The following CNTN3 variants were observed in gnomAD, a reference collection of about 807,000 sequenced individuals.
CNTN3 encodes contactin 3, also known as contactin-3.
Under a neutral mutation model 119.1 loss-of-function variants are expected in CNTN3, and 60 were observed. The ratio of observed to expected loss-of-function variants is 0.50; its 90% CI spans 0.41 to 0.62. The LOEUF is 0.62. Among genes scored for constraint, CNTN3 ranks in the 20% least tolerant of loss-of-function variants. The pLI is 0.00. For missense variants in CNTN3, 1,101 were observed against 1,242.4 expected (o/e 0.89, Z 1.71); for synonymous variants, 450 against 438.7 (o/e 1.03, Z -0.32).
At chr3:74,461,033 T>C (rs2106973502) in intron 4 of CNTN3, among the ~76,000 whole-genome samples, 1 of 151,708 alleles carries the variant, frequency 6.6e-6, no homozygotes, top group South Asian at 2.1e-4. Flanking sequence ...TCCTCTGATT[T>C]CATGAGAAAT....
intron 4 of CNTN3, among the ~76,000 whole-genome samples, chr3:74,436,834 T>C (rs1181931138): frequency 6.6e-6 from 1 of 152,190 alleles, no homozygotes; most frequent in African/African-American, 2.4e-5. Context: ...ATAACTCAAT[T>C]GCAAAGTAAA....
chr3:74,573,069 C>T (rs1289356570), intron 1 of CNTN3, among the ~76,000 whole-genome samples: 4 of 152,190 alleles, frequency 2.6e-5, no homozygotes, highest in African/African-American at 4.8e-5. Flanking sequence ...CCACAAGGCA[C>T]GTGACTCCCT....
chr3:74,401,447 T>A (rs1254343117), intron 5 of CNTN3, among the ~76,000 whole-genome samples: 1 of 152,014 alleles, frequency 6.6e-6, no homozygotes, highest in Non-Finnish European at 1.5e-5. Flanking sequence ...CTAGTTGAAT[T>A]TACACATTCT....
chr3:74,370,738 G>GA (rs1704314458), intron 6 of CNTN3, among the ~76,000 whole-genome samples: 1 of 152,066 alleles, frequency 6.6e-6, no homozygotes, highest in Non-Finnish European at 1.5e-5. Flanking sequence ...AGCCATCAAG[G>GA]TGTTGATGAA....
chr3:74,444,915 TG>T (rs1182665764), intron 4 of CNTN3, among the ~76,000 whole-genome samples: 1 of 152,198 alleles, frequency 6.6e-6, no homozygotes, highest in Non-Finnish European at 1.5e-5. Flanking sequence ...AATATTTTTA[TG>T]TAGCACCAAA....
intron 2 of CNTN3, among the ~76,000 whole-genome samples, chr3:74,520,157 A>C (rs1221610172): frequency 1.3e-5 from 2 of 149,662 alleles, no homozygotes; most frequent in Non-Finnish European, 3.0e-5. Flanking sequence ...TGGTCTTCTA[A>C]GGAGATGAGT....
At chr3:74,336,719 A>G (rs1265969294) in intron 11 of CNTN3, 61 bp from the exon 12 acceptor site, 15 of 1,367,904 alleles carry the variant, frequency 1.1e-5, no homozygotes, top group Middle Eastern at 3.9e-4. Flanking sequence ...CCAAATGAAT[A>G]TACATATTTT....
In CNTN3 at chr3:74,382,590, A is replaced by T. The variant is rs569800543; in HGVS notation, c.455-11191T>A. The stretch of plus-strand genomic sequence containing the variant: ...GTTTCTAAAAGCTTGACTTTTCTAG[A>T]TGCCAAGTGTAAGTGAGGTCATGTG... On this transcript the variant is annotated intron_variant, in intron 5 of 22. Coordinates refer to ENST00000263665, the MANE Select transcript of CNTN3 (RefSeq NM_020872.3). Among the ~76,000 whole-genome samples the T allele has an allele frequency of 1.6e-4, 24 of 152,228 alleles. No homozygotes were observed. The South Asian group carries it at 4.8e-3, about 30-fold the overall frequency.
intron 4 of CNTN3, among the ~76,000 whole-genome samples, chr3:74,477,791 G>A (rs1379375710): frequency 6.6e-6 from 1 of 151,832 alleles, no homozygotes; most frequent in Non-Finnish European, 1.5e-5. Flanking sequence ...GTATCAAAAT[G>A]TCTCATATAC....
At chr3:74,318,574 C>G (rs977705469) in intron 13 of CNTN3, among the ~76,000 whole-genome samples, 12 of 152,138 alleles carry the variant, frequency 7.9e-5, no homozygotes, top group Admixed American at 1.3e-4. Context: ...AGCTGCAGGT[C>G]TGTTGGAGTT....
chr3:74,350,333 C>A (rs1346061241), intron 11 of CNTN3, among the ~76,000 whole-genome samples: 1 of 152,134 alleles, frequency 6.6e-6, no homozygotes, highest in African/African-American at 2.4e-5. Context: ...TGCTCAACAT[C>A]ACTAATTATC....
chr3:74,418,700 TTTTTA>T (rs1408845282), intron 5 of CNTN3, among the ~76,000 whole-genome samples: 1 of 152,106 alleles, frequency 6.6e-6, no homozygotes, highest in Non-Finnish European at 1.5e-5. Context: ...TCTCTATATT[TTTTTA>T]TTTTGACACT....
At chr3:74,515,637 G>A (rs1187338708) in intron 2 of CNTN3, among the ~76,000 whole-genome samples, 1 of 151,896 alleles carries the variant, frequency 6.6e-6, no homozygotes, top group Non-Finnish European at 1.5e-5. Flanking sequence ...CAACATAGCA[G>A]CCAGGGCTTG....
chr3:74,355,858 G>A (rs189574004), intron 11 of CNTN3, among the ~76,000 whole-genome samples: 3 of 151,830 alleles, frequency 2.0e-5, no homozygotes, highest in Admixed American at 6.6e-5. Flanking sequence ...TCCTTAATTC[G>A]GTATACACTG....
intron 4 of CNTN3, among the ~76,000 whole-genome samples, chr3:74,450,710 T>G (rs1482921617): frequency 7.4e-6 from 1 of 135,398 alleles, no homozygotes; most frequent in African/African-American, 2.8e-5. Flanking sequence ...CCCCTTCCTG[T>G]GTCCATGTGT....
At chr3:74,561,797 A>G (rs1188010247) in intron 1 of CNTN3, among the ~76,000 whole-genome samples, 6 of 152,190 alleles carry the variant, frequency 3.9e-5, no homozygotes. Flanking sequence ...ATGATACTTC[A>G]TGCATCATTA....
At chr3:74,312,906 T>C (rs1420748107) in intron 13 of CNTN3, among the ~76,000 whole-genome samples, 3 of 151,828 alleles carry the variant, frequency 2.0e-5, no homozygotes, top group Non-Finnish European at 4.4e-5. Context: ...CTATGATTAA[T>C]GTATTAAGGG....
At chr3:74,402,871 C>T (rs754078919) in intron 5 of CNTN3, among the ~76,000 whole-genome samples, 6 of 152,086 alleles carry the variant, frequency 3.9e-5, no homozygotes, top group Non-Finnish European at 7.4e-5. Context: ...TGCAAAGATT[C>T]GAGAGTGTAC....
At chr3:74,295,267 A>G (rs367768991) in intron 18 of CNTN3, 31 bp from the exon 19 acceptor site, 4 of 1,275,384 alleles carry the variant, frequency 3.1e-6, no homozygotes, top group Non-Finnish European at 4.5e-6. Flanking sequence ...AAATATGATG[A>G]TAATTTTGGC....
Sources: allele counts gnomAD v4.1 joint callset (sites outside exome capture counted in the v4.1 genomes callset), GRCh38; gene constraint gnomAD v4.1.1; transcripts MANE v1.5; gene names NCBI Gene and HGNC (gene_info 2026-07-23, HGNC 2026-07-21).